The following SIN3B variants were observed in gnomAD, a reference collection of about 807,000 sequenced individuals.
SIN3B encodes SIN3 transcription regulator family member B.
Under a neutral mutation model 120.2 loss-of-function variants are expected in SIN3B, and 19 were observed. The ratio of observed to expected loss-of-function variants is 0.16; its 90% CI spans 0.11 to 0.23. The LOEUF (loss-of-function observed/expected upper bound fraction) is 0.23. SIN3B is among the 10% of genes least tolerant of loss of function. SIN3B has a pLI of 1.00. For synonymous variants in SIN3B, 654 were observed against 653.2 expected, an observed-to-expected ratio of 1.00 and a Z score of -0.02; for missense variants, 1,073 against 1,573.0, an observed-to-expected ratio of 0.68 and a Z score of 5.38.
Position 16,878,270 on chromosome 19 carries a change from G to A in SIN3B, c.3042G>A (p.Val1014=), listed in dbSNP as rs781131774. The A allele has an allele frequency of 1.2e-6, 2 of 1,600,526 alleles. No individual in the cohort carries two copies. The highest frequency in any genetic ancestry group is 1.7e-6 in the Non-Finnish European group (2 of 1,174,296). Residue 1014 remains valine (V), a synonymous_variant, in exon 18 of 19, where the codon GTG becomes GTA. Coordinates refer to ENST00000248054, the MANE Select transcript of SIN3B (RefSeq NM_001297595.2). ...GEARSSWKRL[V]GVESACDVDC... ...CCAGGAGCTCCTGGAAGCGGCTGGT[G>A]GGCGTGGAGAGCGCCTGCGACGTGG...
intron 16 of SIN3B, chr19:16,877,187 G>A: frequency 3.6e-6 from 1 of 280,722 alleles, no homozygotes; most frequent in Non-Finnish European, 6.8e-6. Context: ...TCAAACAACA[G>A]AAGTCTATTC....
chr19:16,845,241 G>T (rs1026107998), intron 4 of SIN3B, among the ~76,000 whole-genome samples: 4 of 152,090 alleles, frequency 2.6e-5, no homozygotes, highest in African/African-American at 7.2e-5. Flanking sequence ...CTAAAAGGTG[G>T]TACCAATTTG....
chr19:16,859,118 T>A (rs1971654450), intron 8 of SIN3B, among the ~76,000 whole-genome samples: 1 of 152,062 alleles, frequency 6.6e-6, no homozygotes, highest in African/African-American at 2.4e-5. Context: ...ACCACTGCAC[T>A]CAGCCTGGGT....
intron 4 of SIN3B, among the ~76,000 whole-genome samples, chr19:16,845,187 G>A (rs1255740154): frequency 1.3e-5 from 2 of 152,194 alleles, no homozygotes; most frequent in African/African-American, 4.8e-5. Context: ...ACTTCCCTAA[G>A]TTGAGGGCGT....
rs1056689692 is a variant in SIN3B, at chr19:16,851,496, C to T, written c.811C>T (p.Arg271Trp). The change falls in exon 6 of 19, where the codon CGG becomes TGG. Residue 271 changes from arginine to tryptophan, a missense_variant. This residue lies in a region of SIN3B where 395 missense variants were observed against 528.0 expected (regional missense o/e 0.75). Transcript: ENST00000248054. ...KTPEHSRKRS[R>W]PSLLRPVSAP... ...CCCGGAGCACAGCAGGAAGCGCTCCCGGCCCTCGCTCCTCCGCCCCGTGTC... is the reference window on the plus strand; with the variant it reads ...CCCGGAGCACAGCAGGAAGCGCTCCTGGCCCTCGCTCCTCCGCCCCGTGTC... 3.7e-6 allele frequency: 6 copies of T among 1,608,822 alleles called. No individual in the cohort carries two copies. Among genetic ancestry groups the T allele is most frequent in the African/African-American group, 1.3e-5 (1 of 74,864 alleles).
Position 16,831,604 on chromosome 19 carries a change from C to T in SIN3B, c.338C>T (p.Pro113Leu). ...CCCCTCGGATATAGAATAGACATTC[C>T]CAAGAATGGCAAGTTAAACATACAG... ...FLPLGYRIDI[P>L]KNGKLNIQSP... is the part of the protein sequence containing the mutation. The change falls in exon 3 of 19, where the codon CCC becomes CTC. Residue 113 changes from proline (P) to leucine (L), a missense_variant. Physicochemically the swap from Pro to Leu is moderately conservative, Grantham distance 98. This residue lies in a region of SIN3B where 395 missense variants were observed against 528.0 expected (regional missense o/e 0.75). Coordinates refer to ENST00000248054, the MANE Select transcript of SIN3B (RefSeq NM_001297595.2). The T allele has an allele frequency of 6.2e-7, 1 of 1,614,016 alleles. No individual in the cohort carries two copies. Among genetic ancestry groups the T allele is most frequent in the Non-Finnish European group, 8.5e-7 (1 of 1,179,972 alleles).
chr19:16,863,054 C>A (rs1312568120), intron 9 of SIN3B: 1 of 1,118,592 alleles, frequency 8.9e-7, no homozygotes, highest in Non-Finnish European at 1.4e-6. Context: ...CACACAGACA[C>A]AACCATTCCT....
chr19:16,874,766 T>A (rs1397657968), intron 14 of SIN3B, among the ~76,000 whole-genome samples: 1 of 151,250 alleles, frequency 6.6e-6, no homozygotes, highest in African/African-American at 2.4e-5. Context: ...TCTAGTTTGG[T>A]TGGTTTTGGT....
intron 8 of SIN3B, among the ~76,000 whole-genome samples, chr19:16,857,517 A>ACG (rs1462562243): frequency 5.1e-4 from 48 of 93,478 alleles, no homozygotes; most frequent in African/African-American, 1.8e-3. Flanking sequence ...TAAAAAAAAT[A>ACG]TGTGTGTGTG....
chr19:16,865,447 G>T lies in SIN3B; in HGVS notation c.1421G>T (p.Arg474Leu). 6.2e-7 allele frequency: 1 copy of T among 1,609,428 alleles called. No homozygotes were observed. The highest frequency in any genetic ancestry group is 8.5e-7 in the Non-Finnish European group (1 of 1,176,328). ...VVLETNLATI[R>L]VLESVQKKLS... is the part of the protein sequence containing the mutation. ...CTGGAGACGAACCTGGCCACAATCCGTGTGTTGGAAAGTGTGCAGAAGAAG... is the reference window on the plus strand; with the variant it reads ...CTGGAGACGAACCTGGCCACAATCCTTGTGTTGGAAAGTGTGCAGAAGAAG... Residue 474 changes from arginine to leucine, a missense_variant, in exon 11 of 19, where the codon CGT becomes CTT. Transcript: ENST00000248054.
intron 8 of SIN3B, among the ~76,000 whole-genome samples, chr19:16,860,596 C>CTT (rs34628511): frequency 0.015 from 1,969 of 131,756 alleles, 74 homozygotes; most frequent in African/African-American, 0.052. Context: ...GTAACTGCAA[C>CTT]TTTTTTTTTT....
chr19:16,849,752 C>T (rs758631049), intron 5 of SIN3B, among the ~76,000 whole-genome samples: 3 of 152,116 alleles, frequency 2.0e-5, no homozygotes, highest in Non-Finnish European at 2.9e-5. Flanking sequence ...GTCATATGGT[C>T]GCCCAGCTGC....
chr19:16,875,760 T>TTGGTC (rs2051592813), intron 14 of SIN3B, among the ~76,000 whole-genome samples: 1 of 145,732 alleles, frequency 6.9e-6, no homozygotes, highest in Non-Finnish European at 1.5e-5. Flanking sequence ...TCTGGTCTGT[T>TTGGTC]TGGTCTGGTC....
chr19:16,850,393 GAC>G (rs757580083), intron 5 of SIN3B, among the ~76,000 whole-genome samples: 3 of 152,094 alleles, frequency 2.0e-5, no homozygotes, highest in Admixed American at 1.3e-4. Context: ...TTTACAAAGC[GAC>G]ACACGGCATC....
chr19:16,864,159 T>C (rs1430051623), intron 10 of SIN3B, among the ~76,000 whole-genome samples: 1 of 151,978 alleles, frequency 6.6e-6, no homozygotes. Context: ...CCGGGCGTGG[T>C]GGCGGGCGCC....
At chr19:16,860,476 G>A (rs982121713) in intron 8 of SIN3B, among the ~76,000 whole-genome samples, 1 of 152,110 alleles carries the variant, frequency 6.6e-6, no homozygotes, top group East Asian at 1.9e-4. Context: ...GTTGGCATAG[G>A]GTTCTTAAAT....
At chr19:16,839,930 G>A (rs1262085533) in intron 3 of SIN3B, among the ~76,000 whole-genome samples, 1 of 152,070 alleles carries the variant, frequency 6.6e-6, no homozygotes, top group African/African-American at 2.4e-5. Flanking sequence ...CTTGAACCCG[G>A]GAGGCAAAGG....
At chr19:16,856,923 T>A (rs1025513901) in intron 8 of SIN3B, among the ~76,000 whole-genome samples, 2 of 152,158 alleles carry the variant, frequency 1.3e-5, no homozygotes, top group Non-Finnish European at 2.9e-5. Context: ...CATATTAACA[T>A]GATCAGTCCA....
In SIN3B at chr19:16,831,659, C is replaced by T; in HGVS notation, c.381+12C>T. 2 of 1,613,238 alleles carry T rather than the reference C, an allele frequency of 1.2e-6. No individual in the cohort carries two copies. Among genetic ancestry groups the T allele is most frequent in the East Asian group, 2.2e-5 (1 of 44,848 alleles). On this transcript the variant is annotated intron_variant, in intron 3 of 18. Transcript: ENST00000248054. ...CTCTGACAAGCCAGGTATGCCACTA[C>T]AGTGGTTCGGGTGATCTCAGCCTTC...
Sources: gnomAD v4.1 joint callset for allele counts (sites outside exome capture counted in the v4.1 genomes callset) on GRCh38, gnomAD v4.1.1 for gene constraint, gnomAD v4.1.1 regional missense constraint, MANE v1.5 for transcripts, NCBI Gene and HGNC (gene_info 2026-07-23, HGNC 2026-07-21) for gene names.